Variants in GALNT13 observed in about 807,000 individuals in gnomAD.
GALNT13 encodes the protein UDP-GalNAc:polypeptide N-acetylgalactosaminyltransferase 13.
In GALNT13, 28 loss-of-function variants were observed where a neutral mutation model predicts 64.2. That is an observed-to-expected ratio of 0.44 (90% confidence interval 0.32 to 0.60). The LOEUF (loss-of-function observed/expected upper bound fraction) is 0.60, where lower values mean the gene tolerates loss of function less well. Among genes scored for constraint, GALNT13 ranks in the 20% least tolerant of loss-of-function variants. The pLI is 0.05. For missense variants in GALNT13, 577 were observed against 669.8 expected (o/e 0.86, Z 1.53); for synonymous variants, 214 against 224.6 (o/e 0.95, Z 0.42).
the GALNT13 span, among the ~76,000 whole-genome samples, chr2:153,118,010 T>C: frequency 2.6e-5 from 4 of 152,008 alleles, no homozygotes; most frequent in Non-Finnish European, 1.5e-5. Context: ...TGAACTGTGG[T>C]CATAGCAGGT....
chr2:153,874,419 A>AG (rs891119137), intron 1 of GALNT13, among the ~76,000 whole-genome samples: 4 of 151,966 alleles, frequency 2.6e-5, no homozygotes. Flanking sequence ...TTGCTTAAGT[A>AG]GGGGCACTGT....
At chr2:154,230,774 C>A (rs1217151620) in intron 4 of GALNT13, among the ~76,000 whole-genome samples, 1 of 152,050 alleles carries the variant, frequency 6.6e-6, no homozygotes, top group Non-Finnish European at 1.5e-5. Flanking sequence ...TATGGATGTT[C>A]AGAGAGCCAT....
chr2:153,298,914 A>T, the GALNT13 span, among the ~76,000 whole-genome samples: 1 of 151,896 alleles, frequency 6.6e-6, no homozygotes, highest in African/African-American at 2.4e-5. Context: ...TGAAAATTAC[A>T]GTCACATTTT....
chr2:153,478,670 C>A, the GALNT13 span: 1 of 915,798 alleles, frequency 1.1e-6, no homozygotes, highest in Non-Finnish European at 1.6e-6. Context: ...CAGACTAGCG[C>A]GTGCGAGGGC....
the GALNT13 span, among the ~76,000 whole-genome samples, chr2:153,257,479 A>T: frequency 2.6e-5 from 4 of 151,982 alleles, no homozygotes; most frequent in African/African-American, 4.8e-5. Context: ...GCTCCTCTCT[A>T]ACAGGTACTC....
the GALNT13 span, among the ~76,000 whole-genome samples, chr2:153,621,541 A>G: frequency 6.6e-6 from 1 of 152,202 alleles, no homozygotes; most frequent in Admixed American, 6.6e-5. Flanking sequence ...CAGGGCAGCA[A>G]TGTTCCCCAG....
chr2:154,360,794 G>A (rs1010658549), intron 9 of GALNT13, among the ~76,000 whole-genome samples: 3 of 152,044 alleles, frequency 2.0e-5, no homozygotes, highest in African/African-American at 4.8e-5. Context: ...TCAGTTTGAT[G>A]TGGCACCATG....
chr2:153,105,042 C>G, the GALNT13 span, among the ~76,000 whole-genome samples: 2 of 116,914 alleles, frequency 1.7e-5, no homozygotes, highest in Admixed American at 9.8e-5. Flanking sequence ...CCCCTCCCCC[C>G]ACCCGACAAC....
At chr2:154,187,896 AATAG>A (rs555648625) in intron 4 of GALNT13, among the ~76,000 whole-genome samples, 1 of 152,108 alleles carries the variant, frequency 6.6e-6, no homozygotes, top group Non-Finnish European at 1.5e-5. Context: ...GTTCATCAAA[AATAG>A]ATATGTAATG....
At chr2:153,235,717 G>A in the GALNT13 span, among the ~76,000 whole-genome samples, 22 of 152,236 alleles carry the variant, frequency 1.4e-4, no homozygotes, top group East Asian at 4.1e-3. Flanking sequence ...TGTGGTTTGT[G>A]CACTGTCAGG....
the GALNT13 span, among the ~76,000 whole-genome samples, chr2:153,764,798 C>G: frequency 6.6e-6 from 1 of 152,186 alleles, no homozygotes; most frequent in African/African-American, 2.4e-5. Context: ...GGCCCAGGGC[C>G]CCCTGCTGTG....
chr2:154,290,614 G>A (rs1692553476), intron 8 of GALNT13, among the ~76,000 whole-genome samples: 1 of 152,186 alleles, frequency 6.6e-6, no homozygotes, highest in Non-Finnish European at 1.5e-5. Context: ...CAAATTTGGG[G>A]GAATTTAGAA....
the GALNT13 span, among the ~76,000 whole-genome samples, chr2:153,580,734 C>T: frequency 9.2e-5 from 14 of 152,046 alleles, no homozygotes; most frequent in African/African-American, 3.1e-4. Context: ...ATAACAATTG[C>T]TTAAAAAGAA....
the GALNT13 span, among the ~76,000 whole-genome samples, chr2:153,338,461 T>A: frequency 6.6e-6 from 1 of 152,172 alleles, no homozygotes; most frequent in Non-Finnish European, 1.5e-5. Flanking sequence ...CATTTTGAAA[T>A]TTTTTTAAAA....
chr2:154,196,662 T>C (rs1298744077), intron 4 of GALNT13, among the ~76,000 whole-genome samples: 2 of 152,254 alleles, frequency 1.3e-5, no homozygotes, highest in Admixed American at 6.5e-5. Flanking sequence ...TACCGGTCAC[T>C]GTTAAGTGAG....
chr2:153,203,874 T>TACACAC, the GALNT13 span, among the ~76,000 whole-genome samples: 13 of 150,900 alleles, frequency 8.6e-5, no homozygotes, highest in Admixed American at 4.0e-4. Context: ...GTAGCGTGTC[T>TACACAC]ACACACACAC....
the GALNT13 span, among the ~76,000 whole-genome samples, chr2:153,495,322 C>T: frequency 6.6e-6 from 1 of 150,392 alleles, no homozygotes; most frequent in African/African-American, 2.5e-5. Context: ...AACAAACAAA[C>T]AAACAACAAC....
chr2:153,656,494 T>A, the GALNT13 span, among the ~76,000 whole-genome samples: 2 of 152,136 alleles, frequency 1.3e-5, no homozygotes, highest in Non-Finnish European at 1.5e-5. Flanking sequence ...TATCTGTTTC[T>A]CTTGAAACCA....
the GALNT13 span, among the ~76,000 whole-genome samples, chr2:153,538,455 T>C: frequency 7.5e-6 from 1 of 133,262 alleles, no homozygotes; most frequent in African/African-American, 2.9e-5. Flanking sequence ...GTTAGTTACA[T>C]ATGTATACAT....
Sources: allele counts gnomAD v4.1 joint callset (sites outside exome capture counted in the v4.1 genomes callset), GRCh38; gene constraint gnomAD v4.1.1; transcripts MANE v1.5; gene names NCBI Gene and HGNC (gene_info 2026-07-23, HGNC 2026-07-21).